The following COL21A1 variants were observed in gnomAD, a reference collection of about 807,000 sequenced individuals.
COL21A1 encodes collagen type XXI alpha 1 chain.
Under a neutral mutation model 137.9 loss-of-function variants are expected in COL21A1, and 149 were observed. That is an observed-to-expected ratio of 1.08 (90% CI 0.95 to 1.24). The LOEUF is 1.24. COL21A1 is among the 50% of genes most tolerant of loss of function. The pLI, the probability that COL21A1 is intolerant of heterozygous loss-of-function variation, is 0.00. For missense variants in COL21A1, 1,167 were observed against 1,158.4 expected (o/e 1.01, Z -0.11); for synonymous variants, 456 against 391.5 (o/e 1.16, Z -1.95).
chr6:56,323,395 ATTTG>A (rs1562055286), intron 1 of COL21A1, among the ~76,000 whole-genome samples: 1 of 148,354 alleles, frequency 6.7e-6, no homozygotes, highest in East Asian at 1.9e-4. Flanking sequence ...TTGTTTGTTT[ATTTG>A]TTTGTTTTGA....
At chr6:56,332,861 G>A (rs1414081707) in intron 1 of COL21A1, among the ~76,000 whole-genome samples, 1 of 151,552 alleles carries the variant, frequency 6.6e-6, no homozygotes, top group Non-Finnish European at 1.5e-5. Flanking sequence ...TTATTCAATG[G>A]GTATGTTCTC....
At chr6:56,189,195 C>A (rs974872978) in intron 1 of COL21A1, among the ~76,000 whole-genome samples, 2 of 151,672 alleles carry the variant, frequency 1.3e-5, no homozygotes, top group African/African-American at 4.8e-5. Context: ...TGTTCTAACC[C>A]AATGTAAGGA....
chr6:56,097,864 AAAATATCTATAAATATAT>A lies in COL21A1; in HGVS notation c.1812+3590_1812+3607del, dbSNP rs1165886134. The stretch of plus-strand genomic sequence containing the variant: ...ATATATAAATATATATAAATATATA[AAAATATCTATAAATATAT>A]AAATATATATAAATATATAAATATA... On this transcript the variant is annotated intron_variant, in intron 17 of 29. Transcript: ENST00000244728. 4.7e-4 allele frequency among the ~76,000 whole-genome samples: 14 copies of A among 29,930 alleles called. 1 individual carries two copies. The highest frequency in any genetic ancestry group is 1.7e-3 in the African/African-American group (14 of 8,380). The allele number at this position is 29,930 out of a possible 152,430, so 19.6% of individuals were successfully genotyped here. A position where few individuals can be genotyped will look rare whatever the true frequency, so the allele number is the denominator to read the frequency against.
At chr6:56,325,231 T>C (rs1764981088) in intron 1 of COL21A1, among the ~76,000 whole-genome samples, 1 of 9,992 alleles carries the variant, frequency 1.0e-4, no homozygotes, top group Admixed American at 2.2e-3. Flanking sequence ...GAACCTAAGA[T>C]GAGGAAAAGA....
intron 1 of COL21A1, among the ~76,000 whole-genome samples, chr6:56,324,587 G>A (rs915156235): frequency 1.5e-4 from 23 of 152,030 alleles, no homozygotes; most frequent in Non-Finnish European, 3.2e-4. Flanking sequence ...ATACCTGGCT[G>A]GGAGTAGTAC....
At chr6:56,142,064 TATCTC>T in intron 10 of COL21A1, 81 bp from the exon 11 acceptor site, 2 of 1,038,048 alleles carry the variant, frequency 1.9e-6, no homozygotes, top group Non-Finnish European at 1.4e-6. Flanking sequence ...AATTCACTCT[TATCTC>T]AAGTTTCTCA....
At chr6:56,135,319 C>T (rs62413472) in intron 12 of COL21A1, among the ~76,000 whole-genome samples, 22,843 of 151,634 alleles carry the variant, frequency 0.15, 1,758 homozygotes, top group Middle Eastern at 0.22. Flanking sequence ...ATGAGAAAAC[C>T]GGCAAATTAC....
intron 1 of COL21A1, among the ~76,000 whole-genome samples, chr6:56,352,897 T>C (rs965329023): frequency 1.3e-5 from 2 of 151,916 alleles, no homozygotes; most frequent in Non-Finnish European, 2.9e-5. Context: ...AAAAATTAGC[T>C]GGGCGTGGTG....
chr6:56,383,125 C>T (rs2094011557), intron 1 of COL21A1, among the ~76,000 whole-genome samples: 1 of 152,176 alleles, frequency 6.6e-6, no homozygotes, highest in Non-Finnish European at 1.5e-5. Flanking sequence ...AATATACTTT[C>T]TCACAGTTCT....
At chr6:56,354,558 T>C (rs554050111) in intron 1 of COL21A1, among the ~76,000 whole-genome samples, 20 of 152,014 alleles carry the variant, frequency 1.3e-4, no homozygotes, top group Non-Finnish European at 2.9e-4. Context: ...GATAGAAGAA[T>C]TTAACTTGAG....
At chr6:56,102,480 T>C (rs2152169792) in intron 16 of COL21A1, among the ~76,000 whole-genome samples, 1 of 152,214 alleles carries the variant, frequency 6.6e-6, no homozygotes, top group South Asian at 2.1e-4. Flanking sequence ...TTATCCTAGA[T>C]GAAAGCAAGA....
rs186670616 is a variant in COL21A1, at chr6:56,056,761, G to A, written c.*896C>T. ...AGCTAAAAATAACAAGACATTCTAG[G>A]ATTTCAGGAGTTTTCCTTTTCTTTC... On this transcript the variant is annotated 3_prime_UTR_variant, in exon 30 of 30. Coordinates refer to ENST00000244728, the MANE Select transcript of COL21A1 (RefSeq NM_030820.4). 1.1e-3 allele frequency: 161 copies of A among 152,248 alleles called. No homozygotes were observed. Among genetic ancestry groups the A allele is most frequent in the African/African-American group, 3.1e-3 (129 of 41,564 alleles). The allele number at this position is 152,248 out of a possible 1,614,324, so 9.4% of individuals were successfully genotyped here.
chr6:56,323,380 A>T (rs1053884356), intron 1 of COL21A1, among the ~76,000 whole-genome samples: 53 of 151,944 alleles, frequency 3.5e-4, no homozygotes, highest in Non-Finnish European at 1.6e-4. Flanking sequence ...GCTTCAAATG[A>T]TGTTTTGTTT....
chr6:56,089,007 A>C (rs76239571), intron 17 of COL21A1, among the ~76,000 whole-genome samples: 1 of 152,228 alleles, frequency 6.6e-6, no homozygotes, highest in African/African-American at 2.4e-5. Context: ...GCTAGTCTCA[A>C]ACTCCTGGGC....
intron 25 of COL21A1, 109 bp downstream of exon 25, chr6:56,061,540 A>C (rs1765799529): frequency 1.7e-6 from 1 of 589,408 alleles, no homozygotes; most frequent in Admixed American, 3.4e-5. Flanking sequence ...GATGAAAAAC[A>C]TTTCGTTTTC....
chr6:56,309,523 G>A (rs577278962), intron 1 of COL21A1, among the ~76,000 whole-genome samples: 5 of 152,282 alleles, frequency 3.3e-5, no homozygotes, highest in African/African-American at 1.2e-4. Context: ...GCCATCACAT[G>A]TCTTATGTTG....
intron 1 of COL21A1, among the ~76,000 whole-genome samples, chr6:56,204,646 C>T (rs1779639564): frequency 6.6e-6 from 1 of 152,148 alleles, no homozygotes; most frequent in Non-Finnish European, 1.5e-5. Flanking sequence ...GGACAGACTG[C>T]CTCCACAGTG....
chr6:56,289,982 C>A (rs1764002518), intron 1 of COL21A1, among the ~76,000 whole-genome samples: 1 of 152,076 alleles, frequency 6.6e-6, no homozygotes, highest in Non-Finnish European at 1.5e-5. Context: ...TTGTCCAGCC[C>A]ACCGCCACTG....
At position 56,067,284 on chromosome 6, in the gene COL21A1, AAAC is replaced by A. The variant is rs771346128; in HGVS notation, c.2127+8_2127+10del. On this transcript the variant is annotated splice_region_variant and intron_variant, in intron 23 of 29. Transcript: ENST00000244728. ...ATTGCTCAGCCTACTAAAAAAAAGC[AAAC>A]AACATACCTGAATACCTTTTTCACC... 1 of 1,604,188 alleles carries A rather than the reference AAAC, an allele frequency of 6.2e-7. No homozygotes were observed. The highest frequency in any genetic ancestry group is 1.1e-5 in the South Asian group (1 of 89,620).
Sources: gnomAD v4.1 joint callset for allele counts (sites outside exome capture counted in the v4.1 genomes callset) on GRCh38, gnomAD v4.1.1 for gene constraint, MANE v1.5 for transcripts, NCBI Gene and HGNC (gene_info 2026-07-23, HGNC 2026-07-21) for gene names.